GSE1: variants seen among roughly 807,000 people sequenced by gnomAD.
GSE1 encodes the protein genetic suppressor element 1.
In GSE1, 32 loss-of-function variants were observed where a neutral mutation model predicts 112.6. That is an observed-to-expected ratio of 0.28 (90% CI 0.21 to 0.38). The LOEUF (loss-of-function observed/expected upper bound fraction) is 0.38. Ranked by LOEUF, GSE1 falls within the 10% of genes least tolerant of loss-of-function variation. The probability of loss-of-function intolerance (pLI) is 1.00; values close to 1 mark genes in which losing one functional copy is unlikely to be tolerated. For synonymous variants in GSE1, 1,115 were observed against 735.6 expected (o/e 1.52, Z -8.35); for missense variants, 2,348 against 1,699.2 (o/e 1.38, Z -6.71).
chr16:85,329,568 C>T (rs2046296561), intron 1 of GSE1, among the ~76,000 whole-genome samples: 1 of 152,000 alleles, frequency 6.6e-6, no homozygotes, highest in South Asian at 2.1e-4. Flanking sequence ...CGCTCAGAGG[C>T]GCTCAGCAAC....
intron 1 of GSE1, among the ~76,000 whole-genome samples, chr16:85,314,092 G>C (rs2045931343): frequency 6.6e-6 from 1 of 151,804 alleles, no homozygotes; most frequent in South Asian, 2.1e-4. Flanking sequence ...GTATGTGTGT[G>C]TGACACAGCT....
chr16:85,240,633 G>A (rs9936246), intron 1 of GSE1, among the ~76,000 whole-genome samples: 13,873 of 152,240 alleles, frequency 0.091, 1,209 homozygotes, highest in African/African-American at 0.23. Context: ...ACGAGATGGT[G>A]CATGGAGGGG....
intron 1 of GSE1, among the ~76,000 whole-genome samples, chr16:85,615,481 C>G (rs1240431158): frequency 6.6e-6 from 1 of 151,670 alleles, no homozygotes; most frequent in Non-Finnish European, 1.5e-5. Context: ...GCTGGGGAAG[C>G]TGGAGCCAAC....
rs114629003 is a variant in GSE1, at chr16:85,275,806, C to T, written c.2284-81657C>T. Among the ~76,000 whole-genome samples the T allele has an allele frequency of 3.9e-3, 601 of 152,320 alleles. 4 individuals carry two copies. Among genetic ancestry groups the T allele is most frequent in the African/African-American group, 0.013 (551 of 41,576 alleles). ...CCATGTCCCCAGCAGATGGCGCCCTCGGCCTGGGAAGGGAAGGGCTTGGCT... is the reference window on the plus strand; with the variant it reads ...CCATGTCCCCAGCAGATGGCGCCCTTGGCCTGGGAAGGGAAGGGCTTGGCT... On this transcript the variant is annotated intron_variant, in intron 1 of 2. Transcript: ENST00000637419.
rs1315416692 is a variant in GSE1, at chr16:85,666,175, G to C, written c.2958G>C (p.Leu986=). ...AGGCCCCTGGAGGCAAAAAGAGTCTGAGCATGCTTCACTATATCCGGGGCG... is the reference window on the plus strand; with the variant it reads ...AGGCCCCTGGAGGCAAAAAGAGTCTCAGCATGCTTCACTATATCCGGGGCG... ...LSEAPGGKKS[L]SMLHYIRGAA... Residue 986 remains leucine (L), a synonymous_variant, in exon 13 of 16, where the codon CTG becomes CTC. Coordinates refer to ENST00000253458, the MANE Select transcript of GSE1 (RefSeq NM_014615.5). 2 of 1,613,416 alleles carry C rather than the reference G, an allele frequency of 1.2e-6. No homozygotes were observed. The highest frequency in any genetic ancestry group is 1.7e-6 in the Non-Finnish European group (2 of 1,180,052).
intron 2 of GSE1, among the ~76,000 whole-genome samples, chr16:85,417,284 G>A (rs2053197188): frequency 6.6e-6 from 1 of 152,110 alleles, no homozygotes; most frequent in Admixed American, 6.6e-5. Context: ...CTCACTCCCC[G>A]AGTTGTGACA....
chr16:85,541,167 A>T (rs1026277078), intron 2 of GSE1, among the ~76,000 whole-genome samples: 6 of 152,168 alleles, frequency 3.9e-5, no homozygotes, highest in Admixed American at 2.0e-4. Flanking sequence ...AGCATGGAGG[A>T]AGAGTCTAGA....
intron 2 of GSE1, among the ~76,000 whole-genome samples, chr16:85,448,507 G>A (rs931874844): frequency 1.3e-5 from 2 of 152,200 alleles, no homozygotes; most frequent in African/African-American, 4.8e-5. Flanking sequence ...TTAGCCCTGT[G>A]CAGTGGACAT....
At chr16:85,537,561 C>T (rs2044373729) in intron 2 of GSE1, among the ~76,000 whole-genome samples, 1 of 152,208 alleles carries the variant, frequency 6.6e-6, no homozygotes, top group South Asian at 2.1e-4. Flanking sequence ...CGCAGGAACC[C>T]CCTGTGGGAG....
intron 1 of GSE1, among the ~76,000 whole-genome samples, chr16:85,600,605 CA>C (rs1567633591): frequency 4.6e-5 from 7 of 151,938 alleles, no homozygotes; most frequent in African/African-American, 1.7e-4. Flanking sequence ...CACACACACA[CA>C]CACACCCCAA....
At chr16:85,468,567 C>T (rs4783211) in intron 2 of GSE1, among the ~76,000 whole-genome samples, 11,308 of 151,882 alleles carry the variant, frequency 0.074, 457 homozygotes, top group East Asian at 0.14. Flanking sequence ...ATCCACCAGC[C>T]CCCCTCAGCC....
intron 2 of GSE1, among the ~76,000 whole-genome samples, chr16:85,508,681 G>A (rs2051626899): frequency 6.6e-6 from 1 of 152,230 alleles, no homozygotes; most frequent in African/African-American, 2.4e-5. Flanking sequence ...AGCCTCGGAG[G>A]GGAGGCTGCT....
At chr16:85,356,568 C>T (rs909801739) in intron 1 of GSE1, among the ~76,000 whole-genome samples, 1 of 152,240 alleles carries the variant, frequency 6.6e-6, no homozygotes, top group African/African-American at 2.4e-5. Flanking sequence ...ACCACCAGGA[C>T]GTGCACCAAA....
intron 2 of GSE1, among the ~76,000 whole-genome samples, chr16:85,472,392 G>A (rs576947334): frequency 7.8e-4 from 119 of 152,228 alleles, no homozygotes; most frequent in African/African-American, 2.7e-3. Flanking sequence ...CCACACTGCC[G>A]TGGTCCCTGC....
intron 1 of GSE1, among the ~76,000 whole-genome samples, chr16:85,174,848 G>A (rs999382476): frequency 2.4e-4 from 37 of 152,282 alleles, no homozygotes; most frequent in African/African-American, 8.9e-4. Context: ...AGAGGGTGGA[G>A]GGGCTGTCCC....
intron 1 of GSE1, among the ~76,000 whole-genome samples, chr16:85,173,329 C>T (rs191410416): frequency 6.6e-6 from 1 of 152,314 alleles, no homozygotes; most frequent in East Asian, 1.9e-4. Flanking sequence ...TGCTAAGTAC[C>T]TGTGAGTTAG....
chr16:85,317,049 C>G (rs1183360439), intron 1 of GSE1, among the ~76,000 whole-genome samples: 2 of 152,196 alleles, frequency 1.3e-5, no homozygotes, highest in Non-Finnish European at 2.9e-5. Flanking sequence ...CACATTGATT[C>G]CCTCCCGTAA....
intron 1 of GSE1, among the ~76,000 whole-genome samples, chr16:85,353,303 G>A (rs896683255): frequency 9.8e-5 from 15 of 152,334 alleles, no homozygotes; most frequent in East Asian, 1.9e-4. Flanking sequence ...GGGCTGCTAC[G>A]CACCTTCCTA....
intron 1 of GSE1, among the ~76,000 whole-genome samples, chr16:85,186,452 A>G (rs1191961453): frequency 6.6e-6 from 1 of 151,984 alleles, no homozygotes; most frequent in East Asian, 1.9e-4. Flanking sequence ...AAAATACAAA[A>G]ATTAACTGGG....
Sources: allele counts gnomAD v4.1 joint callset (sites outside exome capture counted in the v4.1 genomes callset), GRCh38; gene constraint gnomAD v4.1.1; transcripts MANE v1.5; gene names NCBI Gene and HGNC (gene_info 2026-07-23, HGNC 2026-07-21).